TMEM67: variants seen among roughly 807,000 people sequenced by gnomAD.
TMEM67 encodes the protein transmembrane protein 67.
In TMEM67, 124 loss-of-function variants were observed where a neutral mutation model predicts 136.6. The observed-to-expected ratio is 0.91, with a 90% CI of 0.78 to 1.05. The LOEUF (loss-of-function observed/expected upper bound fraction) is 1.05. Ranked by LOEUF, TMEM67 falls within the 50% of genes least tolerant of loss-of-function variation. The pLI is 0.00. For synonymous variants in TMEM67, 364 were observed against 390.5 expected (o/e 0.93, Z 0.80); for missense variants, 1,107 against 1,178.4 (o/e 0.94, Z 0.89).
chr8:93,809,395 G>C (rs941300740), intron 25 of TMEM67, among the ~76,000 whole-genome samples: 1 of 152,090 alleles, frequency 6.6e-6, no homozygotes, highest in African/African-American at 2.4e-5. Flanking sequence ...TTACGCAAAA[G>C]TAAAATGAAA....
At position 93,772,637 on chromosome 8, in the gene TMEM67, G is replaced by A; in HGVS notation, c.700G>A (p.Ala234Thr). 2 of 1,611,822 alleles carry A rather than the reference G, an allele frequency of 1.2e-6. No homozygotes were observed. ...EWFAKYLQSS[A>T]AACWVYANLT... ...GTTTGCAAAGTATTTGCAATCATCA[G>A]CAGCTGCATGTTGGGTAAGTTTGAA... Residue 234 changes from alanine (A) to threonine (T), a missense_variant, in exon 7 of 28, where the codon GCA becomes ACA. Transcript: ENST00000453321.
chr8:93,762,159 G>A (rs572317031), intron 3 of TMEM67: 6 of 152,178 alleles, frequency 3.9e-5, no homozygotes, highest in African/African-American at 1.4e-4. Context: ...GGACACTGAG[G>A]CAGGAGAATC....
chr8:93,784,087 G>C (rs1189406976), intron 11 of TMEM67, among the ~76,000 whole-genome samples: 2 of 152,012 alleles, frequency 1.3e-5, no homozygotes, highest in Non-Finnish European at 2.9e-5. Flanking sequence ...TACTAACAGT[G>C]GTTACCTCTG....
At chr8:93,792,887 C>G (rs189141345) in intron 15 of TMEM67, among the ~76,000 whole-genome samples, 1 of 151,816 alleles carries the variant, frequency 6.6e-6, no homozygotes, top group African/African-American at 2.4e-5. Flanking sequence ...ATTCTCCTGC[C>G]TCAGCCTCCC....
In TMEM67 at chr8:93,816,396, G is replaced by A. The variant is rs371965185; in HGVS notation, c.2932G>A (p.Val978Ile). 6.3e-6 allele frequency: 10 copies of A among 1,585,322 alleles called. No homozygotes were observed. The African/African-American group carries it at 1.1e-4, about 17-fold the overall frequency. ...QEIFRYIRNT[V>I]GQKNLASKTL... The stretch of plus-strand genomic sequence containing the variant: ...GATTTTTAGATATATCCGTAATACA[G>A]TAGGACAAAAGAATTTGGCATCCAA... Residue 978 changes from valine to isoleucine, a missense_variant, in exon 28 of 28, where the codon GTA (valine) becomes ATA (isoleucine). Around this residue, in one of 3 missense-constraint regions of TMEM67, gnomAD observed 925 missense variants for 1,002.4 expected, o/e 0.92. Transcript: ENST00000453321.
the TMEM67 span, among the ~76,000 whole-genome samples, chr8:93,826,641 T>C: frequency 6.6e-6 from 1 of 152,204 alleles, no homozygotes; most frequent in African/African-American, 2.4e-5. Flanking sequence ...TTACACTTTC[T>C]AGGCTTCTGT....
intron 14 of TMEM67, among the ~76,000 whole-genome samples, chr8:93,789,981 G>A (rs1814303218): frequency 6.6e-6 from 1 of 152,014 alleles, no homozygotes; most frequent in Admixed American, 6.6e-5. Flanking sequence ...GGGAGGCTGA[G>A]GCAGGAGAAT....
Position 93,817,520 on chromosome 8 carries a change from TC to T in TMEM67, c.*1069del, listed in dbSNP as rs1159261180. 6.6e-6 allele frequency: 1 copy of T among 152,196 alleles called. No individual in the cohort carries two copies. Among genetic ancestry groups the T allele is most frequent in the Non-Finnish European group, 1.5e-5 (1 of 68,046 alleles). The allele number at this position is 152,196 out of a possible 1,614,324, so 9.4% of individuals were successfully genotyped here. A position where few individuals can be genotyped will look rare whatever the true frequency, so the allele number is the denominator to read the frequency against. ...GCCAGGATGACAGAGCAAGACCCTG[TC>T]TCAGAAAAAACAAAAACAAAACACT... On this transcript the variant is annotated 3_prime_UTR_variant, in exon 28 of 28. Transcript: ENST00000453321.
At chr8:93,826,331 G>A in the TMEM67 span, among the ~76,000 whole-genome samples, 13 of 151,662 alleles carry the variant, frequency 8.6e-5, 1 homozygote, top group Admixed American at 1.3e-4. Flanking sequence ...GGGTTTCACC[G>A]TGTTAGCCAG....
At chr8:93,814,157 T>TTTTG in intron 26 of TMEM67, among the ~76,000 whole-genome samples, 1 of 90,268 alleles carries the variant, frequency 1.1e-5, no homozygotes, top group African/African-American at 3.9e-5. Flanking sequence ...TTTTTTTTTT[T>TTTTG]GAGACGTAGT....
chr8:93,801,172 A>G (rs1016698604), intron 21 of TMEM67, among the ~76,000 whole-genome samples: 5 of 152,162 alleles, frequency 3.3e-5, no homozygotes, highest in Non-Finnish European at 7.4e-5. Flanking sequence ...TTAACTTCCT[A>G]TAGCTGGCTA....
At chr8:93,767,238 A>G (rs1813119439) in intron 6 of TMEM67, among the ~76,000 whole-genome samples, 1 of 152,198 alleles carries the variant, frequency 6.6e-6, no homozygotes, top group Non-Finnish European at 1.5e-5. Flanking sequence ...AAAAGATGTC[A>G]TGTTCTTTTC....
chr8:93,796,694 A>T (rs1814634820), intron 18 of TMEM67, among the ~76,000 whole-genome samples: 1 of 152,198 alleles, frequency 6.6e-6, no homozygotes, highest in Non-Finnish European at 1.5e-5. Flanking sequence ...TAGCAGAAAT[A>T]GAAAAAAAAG....
chr8:93,770,404 T>C (rs1813277989), intron 6 of TMEM67, among the ~76,000 whole-genome samples: 1 of 152,178 alleles, frequency 6.6e-6, no homozygotes, highest in South Asian at 2.1e-4. Flanking sequence ...CTGATATCCA[T>C]TCATACCCAA....
chr8:93,831,837 C>T, the TMEM67 span, among the ~76,000 whole-genome samples: 2 of 152,164 alleles, frequency 1.3e-5, no homozygotes, highest in African/African-American at 4.8e-5. Flanking sequence ...TCTTGCCCTG[C>T]AGCTATTGTT....
the TMEM67 span, among the ~76,000 whole-genome samples, chr8:93,832,334 A>G: frequency 6.6e-6 from 1 of 152,224 alleles, no homozygotes; most frequent in Non-Finnish European, 1.5e-5. Flanking sequence ...GCTACAGGAA[A>G]GAGCTTAAGC....
At chr8:93,771,783 C>T (rs182689483) in intron 6 of TMEM67, among the ~76,000 whole-genome samples, 1 of 152,254 alleles carries the variant, frequency 6.6e-6, no homozygotes, top group East Asian at 1.9e-4. Context: ...AGTTTGTGTG[C>T]ATGTGTTCCT....
At position 93,797,166 on chromosome 8, in the gene TMEM67, G is replaced by C. The variant is rs1291946679; in HGVS notation, c.1893G>C (p.Gln631His). ...AATTTTTGCATAAGCTCATATCCCA[G>C]ATTACAATAGATGTATTCTTTATTG... ...ALQFLHKLISQITIDVFFIDW... is the reference protein window; with the variant it reads ...ALQFLHKLISHITIDVFFIDW... Residue 631 changes from glutamine (Q) to histidine (H), a missense_variant, in exon 19 of 28, where the codon CAG becomes CAC. This residue lies in a region of TMEM67 where 925 missense variants were observed against 1,002.4 expected (regional missense o/e 0.92). Coordinates refer to ENST00000453321, the MANE Select transcript of TMEM67 (RefSeq NM_153704.6). The C allele has an allele frequency of 1.2e-6, 2 of 1,612,710 alleles. No homozygotes were observed. Among genetic ancestry groups the C allele is most frequent in the African/African-American group, 1.3e-5 (1 of 75,024 alleles).
the TMEM67 span, among the ~76,000 whole-genome samples, chr8:93,828,287 A>T: frequency 6.6e-6 from 1 of 152,198 alleles, no homozygotes. Flanking sequence ...ATATGCATTC[A>T]GTGTTTTCAG....
Sources: allele counts gnomAD v4.1 joint callset (sites outside exome capture counted in the v4.1 genomes callset), GRCh38; gene constraint gnomAD v4.1.1; regional missense constraint gnomAD v4.1.1; transcripts MANE v1.5; gene names NCBI Gene and HGNC (gene_info 2026-07-23, HGNC 2026-07-21).